Variants in SEMA5A observed in about 807,000 individuals in gnomAD.
The protein encoded by SEMA5A is semaphorin-5A.
A neutral mutation model predicts 135.5 loss-of-function variants in SEMA5A; 55 were observed. The observed-to-expected ratio is 0.41, with a 90% CI of 0.33 to 0.51. The LOEUF (loss-of-function observed/expected upper bound fraction) is 0.51, where lower values mean the gene tolerates loss of function less well. Among genes scored for constraint, SEMA5A ranks in the 20% least tolerant of loss-of-function variants. SEMA5A has a pLI of 0.37. For synonymous variants in SEMA5A, 580 were observed against 546.5 expected, an observed-to-expected ratio of 1.06 and a Z score of -0.85; for missense variants, 1,290 against 1,419.9, an observed-to-expected ratio of 0.91 and a Z score of 1.47.
At chr5:9,352,396 T>C (rs2526123) in intron 3 of SEMA5A, among the ~76,000 whole-genome samples, 101,276 of 151,880 alleles carry the variant, frequency 0.67, 34,548 homozygotes, top group South Asian at 0.76. Context: ...TATCTAGAGA[T>C]CAGTTTATGG....
intron 21 of SEMA5A, among the ~76,000 whole-genome samples, chr5:9,049,856 C>T (rs923545294): frequency 1.4e-4 from 22 of 152,152 alleles, no homozygotes; most frequent in African/African-American, 5.3e-4. Context: ...CTTTGACATT[C>T]AGGGTGGCAG....
chr5:9,229,755 C>T (rs2150430397), intron 6 of SEMA5A, among the ~76,000 whole-genome samples: 1 of 151,032 alleles, frequency 6.6e-6, no homozygotes, highest in Non-Finnish European at 1.5e-5. Context: ...CAAGAGCTTG[C>T]CCCAAGGTAA....
In SEMA5A at chr5:9,197,728, T is replaced by TTGTATGTGTGTGTG. The variant is rs778921009; in HGVS notation, c.933-426_933-425insCACACACACATACA. ...TTTGCCCAGCAGCAGGGAAAGCTGTTTGTGTGTGTGTGTGTGTGTGTGTGT... is the reference window on the plus strand; with the variant it reads ...TTTGCCCAGCAGCAGGGAAAGCTGTTTGTATGTGTGTGTGTGTGTGTGTGTGTGTGTGTGTGTGT... On this transcript the variant is annotated intron_variant, in intron 9 of 22. Transcript: ENST00000382496. Among the ~76,000 whole-genome samples, 158 of 59,244 alleles carry TTGTATGTGTGTGTG rather than the reference T, an allele frequency of 2.7e-3. 4 individuals carry two copies. The highest frequency in any genetic ancestry group is 5.6e-3 in the African/African-American group (75 of 13,400). 38.9% of individuals were successfully genotyped at this position (59,244 alleles called of 152,430 possible).
chr5:9,437,179 A>G (rs1401853215), intron 2 of SEMA5A, among the ~76,000 whole-genome samples: 1 of 152,206 alleles, frequency 6.6e-6, no homozygotes, highest in Non-Finnish European at 1.5e-5. Context: ...AACTGAAACC[A>G]GGTAGGCAGT....
intron 15 of SEMA5A, 61 bp from the exon 16 acceptor site, chr5:9,108,348 T>G: frequency 6.3e-7 from 1 of 1,583,970 alleles, no homozygotes; most frequent in South Asian, 1.1e-5. Context: ...ACCACTGACG[T>G]TTCCATCTCC....
intron 5 of SEMA5A, among the ~76,000 whole-genome samples, chr5:9,277,363 G>T (rs1750315862): frequency 6.6e-6 from 1 of 152,176 alleles, no homozygotes; most frequent in Non-Finnish European, 1.5e-5. Context: ...TTACACTGTT[G>T]GTGAGAGTGT....
intron 3 of SEMA5A, among the ~76,000 whole-genome samples, chr5:9,376,624 G>A (rs1358845454): frequency 6.6e-6 from 1 of 152,132 alleles, no homozygotes; most frequent in African/African-American, 2.4e-5. Context: ...CAGGAACTGA[G>A]CATCTTCTTG....
rs144324519 is a variant in SEMA5A, at chr5:9,222,506, T to C, written c.646+2168A>G. Among the ~76,000 whole-genome samples, 6 of 152,282 alleles carry C rather than the reference T, an allele frequency of 3.9e-5. No individual in the cohort carries two copies. In the East Asian group the frequency reaches 9.7e-4, roughly 24 times the overall value. On this transcript the variant is annotated intron_variant, in intron 8 of 22. Coordinates refer to ENST00000382496, the MANE Select transcript of SEMA5A (RefSeq NM_003966.3). ...TGGGGGAGGGCGGTGGAAATGCTGC[T>C]TTCCTGAGAAATGCAGGCTATTCAT...
intron 16 of SEMA5A, among the ~76,000 whole-genome samples, chr5:9,090,797 C>T (rs253632): frequency 0.033 from 4,986 of 152,280 alleles, 293 homozygotes; most frequent in African/African-American, 0.11. Context: ...CAGAAGGGCA[C>T]AGGAAAGCCC....
intron 2 of SEMA5A, among the ~76,000 whole-genome samples, chr5:9,407,267 G>A (rs151334702): frequency 0.022 from 3,395 of 152,262 alleles, 49 homozygotes; most frequent in Non-Finnish European, 0.03. Flanking sequence ...AGAGAATATC[G>A]TGATTTTATT....
At chr5:9,488,036 T>C (rs1373687588) in intron 1 of SEMA5A, among the ~76,000 whole-genome samples, 1 of 152,154 alleles carries the variant, frequency 6.6e-6, no homozygotes, top group African/African-American at 2.4e-5. Flanking sequence ...TGCATAGAAC[T>C]TCCCTAAAGC....
intron 2 of SEMA5A, among the ~76,000 whole-genome samples, chr5:9,427,691 G>A (rs756512916): frequency 4.6e-5 from 7 of 152,194 alleles, no homozygotes; most frequent in Non-Finnish European, 8.8e-5. Context: ...TCCATACTGT[G>A]CGTGTGTGTA....
chr5:9,473,319 T>C, intron 1 of SEMA5A, among the ~76,000 whole-genome samples: 1 of 143,904 alleles, frequency 6.9e-6, no homozygotes, highest in East Asian at 2.0e-4. Flanking sequence ...CTTGTAACAA[T>C]TTTACTGGTG....
chr5:9,437,877 C>T (rs944405538), intron 1 of SEMA5A, 25 bp from the exon 2 acceptor site: 2 of 152,284 alleles, frequency 1.3e-5, no homozygotes, highest in South Asian at 4.1e-4. Context: ...ATAGAGAGAT[C>T]CTGTCAACCC....
At chr5:9,510,369 G>C (rs189119301) in intron 1 of SEMA5A, among the ~76,000 whole-genome samples, 7 of 152,262 alleles carry the variant, frequency 4.6e-5, no homozygotes, top group Non-Finnish European at 8.8e-5. Flanking sequence ...GTATTTGACA[G>C]ATTTTGACAT....
intron 1 of SEMA5A, among the ~76,000 whole-genome samples, chr5:9,452,265 G>A (rs1034509087): frequency 6.6e-6 from 1 of 152,178 alleles, no homozygotes; most frequent in Non-Finnish European, 1.5e-5. Context: ...AGCTCATATG[G>A]CCAGAGGGAG....
intron 1 of SEMA5A, among the ~76,000 whole-genome samples, chr5:9,461,764 A>C (rs2126730424): frequency 6.6e-6 from 1 of 152,364 alleles, no homozygotes; most frequent in South Asian, 2.1e-4. Flanking sequence ...GAGACAACTA[A>C]GTAAGAGACA....
chr5:9,524,729 G>A (rs1737027972), intron 1 of SEMA5A, among the ~76,000 whole-genome samples: 1 of 152,142 alleles, frequency 6.6e-6, no homozygotes, highest in Non-Finnish European at 1.5e-5. Context: ...CACAATATCA[G>A]TCCTTAGCTA....
intron 12 of SEMA5A, among the ~76,000 whole-genome samples, chr5:9,138,356 C>CAT (rs1244330237): frequency 6.6e-6 from 1 of 152,016 alleles, no homozygotes; most frequent in Non-Finnish European, 1.5e-5. Flanking sequence ...TCTATATATA[C>CAT]ATATATATAT....
Sources: gnomAD v4.1 joint callset for allele counts (sites outside exome capture counted in the v4.1 genomes callset) on GRCh38, gnomAD v4.1.1 for gene constraint, MANE v1.5 for transcripts, NCBI Gene and HGNC (gene_info 2026-07-23, HGNC 2026-07-21) for gene names.